The following TG variants were observed in gnomAD, a reference collection of about 807,000 sequenced individuals.
TG encodes thyroglobulin.
Under a neutral mutation model 324.7 loss-of-function variants are expected in TG, and 270 were observed. The observed-to-expected ratio is 0.83, with a 90% CI of 0.75 to 0.92. The LOEUF (loss-of-function observed/expected upper bound fraction) is 0.92. Among genes scored for constraint, TG ranks in the 40% least tolerant of loss-of-function variants. The pLI is 0.00. For synonymous variants in TG, 1,401 were observed against 1,327.0 expected, an observed-to-expected ratio of 1.06 and a Z score of -1.21; for missense variants, 3,591 against 3,456.4, an observed-to-expected ratio of 1.04 and a Z score of -0.98.
intron 29 of TG, among the ~76,000 whole-genome samples, chr8:132,966,193 G>T (rs1300100990): frequency 6.6e-6 from 1 of 152,186 alleles, no homozygotes. Flanking sequence ...GCACAATGAT[G>T]TCATGTGGAG....
chr8:133,085,063 T>A (rs1021314707), intron 41 of TG, among the ~76,000 whole-genome samples: 1 of 152,212 alleles, frequency 6.6e-6, no homozygotes, highest in Non-Finnish European at 1.5e-5. Flanking sequence ...GCATGTAAAG[T>A]GCTTGGAGCA....
chr8:132,964,088 C>A (rs766269438), intron 29 of TG, among the ~76,000 whole-genome samples: 3 of 151,982 alleles, frequency 2.0e-5, no homozygotes, highest in Admixed American at 6.6e-5. Context: ...TGATCCTCAA[C>A]CTCGGCAGTG....
intron 37 of TG, 135 bp from the exon 38 acceptor site, chr8:133,017,643 A>T (rs1835159429): frequency 3.5e-6 from 3 of 867,290 alleles, no homozygotes; most frequent in Non-Finnish European, 5.7e-6. Context: ...AGGGGTCTGA[A>T]TGAATGATTG....
At chr8:133,079,165 C>T (rs1021523132) in intron 41 of TG, among the ~76,000 whole-genome samples, 1 of 152,160 alleles carries the variant, frequency 6.6e-6, no homozygotes, top group African/African-American at 2.4e-5. Flanking sequence ...GGAGTCAGGC[C>T]AGGCTCTGCT....
At chr8:133,002,067 G>A (rs2130836257) in intron 35 of TG, 2 of 985,394 alleles carry the variant, frequency 2.0e-6, no homozygotes, top group East Asian at 1.1e-4. Context: ...ACAATAAATG[G>A]GATGGGTCTG....
chr8:132,918,182 C>T (rs1399603993), intron 20 of TG, among the ~76,000 whole-genome samples: 1 of 152,120 alleles, frequency 6.6e-6, no homozygotes, highest in Non-Finnish European at 1.5e-5. Context: ...TGTGCATTCC[C>T]TGAGCACAGA....
Position 132,897,721 on chromosome 8 carries a change from G to T in TG, c.3074G>T (p.Gly1025Val). The T allele has an allele frequency of 6.2e-7, 1 of 1,614,226 alleles. No individual in the cohort carries two copies. The highest frequency in any genetic ancestry group is 8.5e-7 in the Non-Finnish European group (1 of 1,180,048). Residue 1025 changes from glycine to valine, a missense_variant, in exon 12 of 48, where the codon GGC becomes GTC. Coordinates refer to ENST00000220616, the MANE Select transcript of TG (RefSeq NM_003235.5). Reference protein sequence around the residue: ...SAGASALLRSGPYMPQCDAFG... With the variant: ...SAGASALLRSVPYMPQCDAFG... ...GGAGCATCCGCCCTTCTGCGGTCGG[G>T]CCCCTACATGCCACAGTGTGATGCG...
intron 27 of TG, among the ~76,000 whole-genome samples, chr8:132,959,068 T>C (rs1218593674): frequency 6.6e-6 from 1 of 152,238 alleles, no homozygotes; most frequent in African/African-American, 2.4e-5. Flanking sequence ...ATCTCAATAT[T>C]GCACAGTCTG....
At chr8:133,047,711 C>A in intron 41 of TG, 1 of 729,674 alleles carries the variant, frequency 1.4e-6, no homozygotes, top group South Asian at 1.5e-5. Flanking sequence ...AGCTTAACTA[C>A]ATTGGATCAA....
intron 47 of TG, 77 bp downstream of exon 47, chr8:133,133,737 T>TGCTGC: frequency 1.3e-6 from 2 of 1,517,890 alleles, no homozygotes; most frequent in Non-Finnish European, 1.8e-6. Flanking sequence ...ATGAGACCTG[T>TGCTGC]GCTGCGCGCG....
chr8:132,944,351 A>T (rs1438301880), intron 26 of TG, among the ~76,000 whole-genome samples: 1 of 152,092 alleles, frequency 6.6e-6, no homozygotes, highest in Non-Finnish European at 1.5e-5. Context: ...TAGATTCCCC[A>T]TCCTCCAAGT....
At chr8:132,992,481 C>T (rs1468114523) in intron 35 of TG, among the ~76,000 whole-genome samples, 1 of 152,208 alleles carries the variant, frequency 6.6e-6, no homozygotes, top group African/African-American at 2.4e-5. Flanking sequence ...ATTGCGATTA[C>T]TTTTGCACCC....
chr8:132,897,159 A>C (rs916753705), intron 11 of TG, among the ~76,000 whole-genome samples: 4 of 151,954 alleles, frequency 2.6e-5, no homozygotes, highest in Non-Finnish European at 4.4e-5. Context: ...TCCAAGGCCA[A>C]CCTCTCTTCT....
intron 22 of TG, among the ~76,000 whole-genome samples, chr8:132,925,840 A>G (rs1176055064): frequency 1.3e-5 from 2 of 152,144 alleles, no homozygotes; most frequent in African/African-American, 2.4e-5. Flanking sequence ...AGGGCATTTC[A>G]TGGTGTATTC....
chr8:133,113,164 C>A (rs1339013988), intron 43 of TG, among the ~76,000 whole-genome samples: 1 of 152,134 alleles, frequency 6.6e-6, no homozygotes, highest in Non-Finnish European at 1.5e-5. Context: ...TAACTACTTG[C>A]CATAATCCTA....
intron 41 of TG, among the ~76,000 whole-genome samples, chr8:133,075,347 T>C (rs1844699216): frequency 6.6e-6 from 1 of 152,166 alleles, no homozygotes; most frequent in Admixed American, 6.5e-5. Flanking sequence ...GGTTTCCCAA[T>C]TTTTGCAGCT....
chr8:132,928,235 G>A (rs996818411), intron 22 of TG, among the ~76,000 whole-genome samples: 2 of 152,162 alleles, frequency 1.3e-5, no homozygotes, highest in Non-Finnish European at 2.9e-5. Context: ...ATAAAGCAAT[G>A]GATGTACATA....
At chr8:132,882,642 G>A (rs774834700) in intron 7 of TG, 30 bp downstream of exon 7, 3 of 1,614,234 alleles carry the variant, frequency 1.9e-6, no homozygotes, top group African/African-American at 1.3e-5. Context: ...CAATGTGCGT[G>A]TTTCCATTAG....
intron 3 of TG, among the ~76,000 whole-genome samples, chr8:132,870,172 A>C (rs1297827844): frequency 1.3e-5 from 2 of 152,082 alleles, no homozygotes; most frequent in Non-Finnish European, 2.9e-5. Context: ...CTAAAATTTA[A>C]GACTTGGGTC....
Sources: allele counts gnomAD v4.1 joint callset (sites outside exome capture counted in the v4.1 genomes callset), GRCh38; gene constraint gnomAD v4.1.1; transcripts MANE v1.5; gene names NCBI Gene and HGNC (gene_info 2026-07-23, HGNC 2026-07-21).